The following PREX2 variants were observed in gnomAD, a reference collection of about 807,000 sequenced individuals.
PREX2 encodes the protein phosphatidylinositol 3,4,5-trisphosphate-dependent Rac exchanger 2 protein.
A neutral mutation model predicts 203.2 loss-of-function variants in PREX2; 107 were observed. The ratio of observed to expected loss-of-function variants is 0.53; its 90% CI spans 0.45 to 0.62. The LOEUF (loss-of-function observed/expected upper bound fraction) is 0.62, where lower values mean the gene tolerates loss of function less well. Among genes scored for constraint, PREX2 ranks in the 20% least tolerant of loss-of-function variants. The probability of loss-of-function intolerance (pLI) is 0.00; values close to 1 mark genes in which losing one functional copy is unlikely to be tolerated. For synonymous variants in PREX2, 672 were observed against 663.6 expected, an observed-to-expected ratio of 1.01 and a Z score of -0.19; for missense variants, 1,777 against 1,955.9, an observed-to-expected ratio of 0.91 and a Z score of 1.72.
intron 32 of PREX2, among the ~76,000 whole-genome samples, chr8:68,135,995 AT>A (rs1390332397): frequency 6.6e-6 from 1 of 152,212 alleles, no homozygotes; most frequent in Non-Finnish European, 1.5e-5. Context: ...ATATAGTTTG[AT>A]TCCATTATGG....
At chr8:68,155,730 G>T (rs1811530651) in intron 34 of PREX2, among the ~76,000 whole-genome samples, 1 of 152,100 alleles carries the variant, frequency 6.6e-6, no homozygotes, top group South Asian at 2.1e-4. Flanking sequence ...TCCTGTTACT[G>T]GCAACCTTTC....
intron 21 of PREX2, among the ~76,000 whole-genome samples, chr8:68,096,212 T>C (rs1810067868): frequency 6.6e-6 from 1 of 152,174 alleles, no homozygotes; most frequent in South Asian, 2.1e-4. Flanking sequence ...AAAGGTAGAT[T>C]GGTTCCTATA....
At chr8:68,089,172 G>A (rs1251639380) in intron 19 of PREX2, among the ~76,000 whole-genome samples, 1 of 143,246 alleles carries the variant, frequency 7.0e-6, no homozygotes, top group African/African-American at 2.6e-5. Context: ...CTTCAGCCTT[G>A]GATCAACCTA....
intron 33 of PREX2, among the ~76,000 whole-genome samples, chr8:68,142,600 GT>G (rs1288751029): frequency 6.6e-6 from 1 of 152,116 alleles, no homozygotes; most frequent in East Asian, 1.9e-4. Context: ...ACATGTGCAG[GT>G]TTTTCTGTGG....
intron 1 of PREX2, among the ~76,000 whole-genome samples, chr8:67,999,556 C>A (rs1806878592): frequency 6.7e-6 from 1 of 149,982 alleles, no homozygotes; most frequent in South Asian, 2.1e-4. Flanking sequence ...GAGCTGGTAG[C>A]ATTCTACTGA....
chr8:68,219,741 C>T (rs973559322), intron 38 of PREX2, among the ~76,000 whole-genome samples: 9 of 152,156 alleles, frequency 5.9e-5, no homozygotes, highest in South Asian at 4.1e-4. Context: ...TCCCCTGTCG[C>T]GGATTCTCCT....
intron 27 of PREX2, chr8:68,118,873 A>C (rs1253545015): frequency 4.6e-6 from 3 of 656,452 alleles, no homozygotes. Flanking sequence ...ACTAATTGTA[A>C]TCTTCAGATA....
chr8:67,988,350 C>T (rs780637347), intron 1 of PREX2, among the ~76,000 whole-genome samples: 1 of 152,198 alleles, frequency 6.6e-6, no homozygotes, highest in Admixed American at 6.5e-5. Context: ...TAACCAAAGT[C>T]CCTATTGCTC....
intron 1 of PREX2, among the ~76,000 whole-genome samples, chr8:67,975,486 A>G (rs2129608969): frequency 6.6e-6 from 1 of 151,996 alleles, no homozygotes; most frequent in South Asian, 2.1e-4. Context: ...GTTACTATGT[A>G]TCTTTTTTTA....
chr8:68,160,787 T>G (rs1244544784), intron 35 of PREX2, among the ~76,000 whole-genome samples: 3 of 152,158 alleles, frequency 2.0e-5, no homozygotes, highest in Non-Finnish European at 4.4e-5. Context: ...AGAGAAGACT[T>G]AGTTTTTCAA....
At chr8:67,975,452 A>ACATGCTTTT (rs1450681124) in intron 1 of PREX2, among the ~76,000 whole-genome samples, 1 of 151,866 alleles carries the variant, frequency 6.6e-6, no homozygotes, top group Non-Finnish European at 1.5e-5. Context: ...ATGAGTGAAT[A>ACATGCTTTT]CATGCTTTTA....
chr8:67,952,384 C>A lies in PREX2; in HGVS notation c.-11C>A, dbSNP rs374727819. 3 of 1,527,600 alleles carry A rather than the reference C, an allele frequency of 2.0e-6. No homozygotes were observed. Among genetic ancestry groups the A allele is most frequent in the South Asian group, 1.2e-5 (1 of 81,434 alleles). The allele number at this position is 1,527,600 out of a possible 1,614,324, so 94.6% of individuals were successfully genotyped here. A position where few individuals can be genotyped will look rare whatever the true frequency, so the allele number is the denominator to read the frequency against. ...CGGCGGGCAGCGCCGCGCTGCGCAC[C>A]GCCGCCGACCATGAGCGAGGACAGC... On this transcript the variant is annotated 5_prime_UTR_variant, in exon 1 of 40. Coordinates refer to ENST00000288368, the MANE Select transcript of PREX2 (RefSeq NM_024870.4).
chr8:68,179,280 A>C (rs1434268185), intron 35 of PREX2, among the ~76,000 whole-genome samples: 1 of 152,174 alleles, frequency 6.6e-6, no homozygotes, highest in Non-Finnish European at 1.5e-5. Flanking sequence ...CAATTTCTTT[A>C]CTGAAGGCTG....
At chr8:68,018,590 A>C (rs1807475054) in intron 2 of PREX2, among the ~76,000 whole-genome samples, 1 of 152,200 alleles carries the variant, frequency 6.6e-6, no homozygotes, top group Non-Finnish European at 1.5e-5. Flanking sequence ...GGGTGTGGGC[A>C]AACGTGACTT....
chr8:68,165,322 T>G (rs1322698902), intron 35 of PREX2, among the ~76,000 whole-genome samples: 1 of 152,216 alleles, frequency 6.6e-6, no homozygotes, highest in African/African-American at 2.4e-5. Context: ...TTACCTGTTA[T>G]ATCGACCTAA....
intron 1 of PREX2, among the ~76,000 whole-genome samples, chr8:67,986,880 C>T (rs1806445284): frequency 6.6e-6 from 1 of 152,056 alleles, no homozygotes; most frequent in African/African-American, 2.4e-5. Context: ...AAAAGAACAT[C>T]ACTGGCCAGG....
intron 25 of PREX2, among the ~76,000 whole-genome samples, chr8:68,112,011 C>G (rs983746599): frequency 6.6e-6 from 1 of 152,104 alleles, no homozygotes; most frequent in Non-Finnish European, 1.5e-5. Flanking sequence ...TGGGGTTGAG[C>G]TTGTCTTATC....
chr8:68,142,114 A>T (rs1326000934), intron 33 of PREX2, among the ~76,000 whole-genome samples: 1 of 152,148 alleles, frequency 6.6e-6, no homozygotes, highest in African/African-American at 2.4e-5. Flanking sequence ...AAATCAGTGA[A>T]CCTATATTAG....
intron 35 of PREX2, among the ~76,000 whole-genome samples, chr8:68,171,925 A>T (rs1370053042): frequency 1.3e-5 from 2 of 152,132 alleles, no homozygotes; most frequent in African/African-American, 4.8e-5. Flanking sequence ...ATATTACGTG[A>T]TGTGATTTCT....
Sources: allele counts gnomAD v4.1 joint callset (sites outside exome capture counted in the v4.1 genomes callset), GRCh38; gene constraint gnomAD v4.1.1; transcripts MANE v1.5; gene names NCBI Gene and HGNC (gene_info 2026-07-23, HGNC 2026-07-21).